Variants in TNFRSF19 observed in about 807,000 individuals in gnomAD.
TNFRSF19 encodes tumor necrosis factor receptor superfamily member 19.
TNFRSF19 carries 27 observed loss-of-function variants against 46.4 expected under a neutral mutation model. The ratio of observed to expected loss-of-function variants is 0.58; its 90% confidence interval spans 0.43 to 0.80. The LOEUF is 0.80. Ranked by LOEUF, TNFRSF19 falls within the 30% of genes least tolerant of loss-of-function variation. The pLI, the probability that TNFRSF19 is intolerant of heterozygous loss-of-function variation, is 0.00. For synonymous variants in TNFRSF19, 204 were observed against 205.0 expected (o/e 1.00, Z 0.04); for missense variants, 511 against 530.8 (o/e 0.96, Z 0.37).
At chr13:23,624,444 T>C (rs925511480) in intron 4 of TNFRSF19, among the ~76,000 whole-genome samples, 3 of 152,212 alleles carry the variant, frequency 2.0e-5, no homozygotes, top group East Asian at 1.9e-4. Context: ...CAAGTGAAAA[T>C]AGAATGTTGA....
intron 4 of TNFRSF19, among the ~76,000 whole-genome samples, chr13:23,620,769 C>T (rs1025182170): frequency 1.3e-5 from 2 of 152,168 alleles, no homozygotes; most frequent in African/African-American, 2.4e-5. Flanking sequence ...TGCTGGCAGC[C>T]GGTTCCTGAG....
chr13:23,594,866 C>G (rs1879598548), intron 3 of TNFRSF19, among the ~76,000 whole-genome samples: 1 of 152,216 alleles, frequency 6.6e-6, no homozygotes, highest in Non-Finnish European at 1.5e-5. Flanking sequence ...CAGGAGAGCT[C>G]TGGCTGGCAT....
chr13:23,598,737 G>C (rs1292693005), intron 3 of TNFRSF19, among the ~76,000 whole-genome samples: 2 of 152,198 alleles, frequency 1.3e-5, no homozygotes, highest in Non-Finnish European at 2.9e-5. Flanking sequence ...TTTCTTGTGA[G>C]CACGTTCAGA....
chr13:23,674,887 CTCTT>C lies in TNFRSF19; in HGVS notation c.*1512_*1515del, dbSNP rs905510787. ...ACAGATTAGTAAAATTTAATGAGCC[CTCTT>C]TCTTGTGGCCGTTTCTCCATAGTTT... On this transcript the variant is annotated 3_prime_UTR_variant, in exon 10 of 10. Coordinates refer to ENST00000248484, the MANE Select transcript of TNFRSF19 (RefSeq NM_148957.4). 2.0e-5 allele frequency: 3 copies of C among 152,086 alleles called. No individual in the cohort carries two copies. The highest frequency in any genetic ancestry group is 7.2e-5 in the African/African-American group (3 of 41,416). 9.4% of individuals were successfully genotyped at this position (152,086 alleles called of 1,614,324 possible).
rs115260428 is a variant in TNFRSF19 at position 23,668,942 on chromosome 13, T to C, written c.1090T>C (p.Ser364Pro). The change falls in exon 9 of 10, where the codon TCT becomes CCT. Residue 364 changes from serine (S) to proline (P), a missense_variant. This residue lies in a region of TNFRSF19 where 376 missense variants were observed against 372.7 expected (regional missense o/e 1.01). Transcript: ENST00000248484. ...GGTTGGTGGGGCTGTTCCAGTCCAG[T>C]CTCATTCTGAAAACTTTACAGCAGC... ...DLVGGAVPVQSHSENFTAATD... is the reference protein window; with the variant it reads ...DLVGGAVPVQPHSENFTAATD... The C allele has an allele frequency of 3.6e-4, 580 of 1,614,264 alleles. 11 individuals carry two copies. In the East Asian group the frequency reaches 9.8e-3, roughly 27 times the overall value.
At position 23,612,622 on chromosome 13, in the gene TNFRSF19, A is replaced by G. The variant is rs182279287; in HGVS notation, c.181-3245A>G. On this transcript the variant is annotated intron_variant, in intron 3 of 9. Transcript: ENST00000248484. ...TATGAACTGCAGGCTATTTTTTAAT[A>G]GTTTCAAATTAATATTAGGCTTTAA... Among the ~76,000 whole-genome samples, 398 of 152,326 alleles carry G rather than the reference A, an allele frequency of 2.6e-3. 2 individuals are homozygous for G. The highest frequency in any genetic ancestry group is 3.1e-3 in the South Asian group (15 of 4,826).
At chr13:23,603,173 T>C (rs1485642645) in intron 3 of TNFRSF19, among the ~76,000 whole-genome samples, 2 of 152,024 alleles carry the variant, frequency 1.3e-5, no homozygotes, top group African/African-American at 4.8e-5. Flanking sequence ...GACATCACTA[T>C]AGGAACATTA....
At chr13:23,611,801 A>G (rs1880925710) in intron 3 of TNFRSF19, among the ~76,000 whole-genome samples, 1 of 152,214 alleles carries the variant, frequency 6.6e-6, no homozygotes, top group Non-Finnish European at 1.5e-5. Flanking sequence ...GCAGTGGGCC[A>G]AACCTAAATG....
chr13:23,630,861 A>G (rs1882315530), intron 5 of TNFRSF19, among the ~76,000 whole-genome samples: 1 of 152,138 alleles, frequency 6.6e-6, no homozygotes, highest in African/African-American at 2.4e-5. Context: ...AGGGGTTTTC[A>G]CCAGAGTAAA....
At chr13:23,582,611 A>T (rs1878534878) in intron 1 of TNFRSF19, among the ~76,000 whole-genome samples, 1 of 152,214 alleles carries the variant, frequency 6.6e-6, no homozygotes. Context: ...ATAATTAGGT[A>T]AGTTTTGACA....
At chr13:23,600,927 T>C (rs1216863936) in intron 3 of TNFRSF19, among the ~76,000 whole-genome samples, 1 of 152,172 alleles carries the variant, frequency 6.6e-6, no homozygotes, top group Non-Finnish European at 1.5e-5. Context: ...AAAAATACAA[T>C]TTGAAGAGAC....
chr13:23,660,319 A>G lies in TNFRSF19; in HGVS notation c.611-46A>G, dbSNP rs199945183. On this transcript the variant is annotated intron_variant, in intron 6 of 9. Coordinates refer to ENST00000248484, the MANE Select transcript of TNFRSF19 (RefSeq NM_148957.4). ...AAAGCTAGAATGGCACAGGTCCACT[A>G]GAGAGGAGACTGTGTTCCCTGACAG... The G allele has an allele frequency of 6.0e-4, 953 of 1,586,026 alleles. 6 individuals carry two copies. Among genetic ancestry groups the G allele is most frequent in the South Asian group, 3.5e-3 (312 of 87,920 alleles).
intron 4 of TNFRSF19, among the ~76,000 whole-genome samples, chr13:23,626,196 T>C (rs1881996578): frequency 6.7e-6 from 1 of 150,360 alleles, no homozygotes; most frequent in Non-Finnish European, 1.5e-5. Flanking sequence ...TCTGTGTGTG[T>C]GTGTGTGTGT....
At chr13:23,590,380 G>C (rs1310741608) in intron 2 of TNFRSF19, 128 bp downstream of exon 2, 1 of 528,140 alleles carries the variant, frequency 1.9e-6, no homozygotes, top group Non-Finnish European at 3.2e-6. Context: ...TTTTGCTCAG[G>C]CTGGAGTGCA....
chr13:23,625,323 ATTC>A (rs1566193826), intron 4 of TNFRSF19, among the ~76,000 whole-genome samples: 1 of 97,176 alleles, frequency 1.0e-5, no homozygotes. Context: ...CTGTGATTGT[ATTC>A]TTTTTTTTTT....
chr13:23,586,949 G>A (rs1878887844), intron 1 of TNFRSF19, among the ~76,000 whole-genome samples: 1 of 151,718 alleles, frequency 6.6e-6, no homozygotes, highest in Non-Finnish European at 1.5e-5. Context: ...CATGTACAGA[G>A]AAACAGTTTC....
chr13:23,586,470 C>A (rs1452138659), intron 1 of TNFRSF19, among the ~76,000 whole-genome samples: 4 of 152,134 alleles, frequency 2.6e-5, no homozygotes, highest in African/African-American at 9.7e-5. Flanking sequence ...AGTTGAGGGA[C>A]CTGCTGGTGG....
intron 7 of TNFRSF19, among the ~76,000 whole-genome samples, chr13:23,664,449 C>T (rs1951583840): frequency 6.6e-6 from 1 of 152,096 alleles, no homozygotes; most frequent in Non-Finnish European, 1.5e-5. Flanking sequence ...CACCACCCTA[C>T]CACCTTACCT....
chr13:23,639,664 C>G (rs1042172708), intron 5 of TNFRSF19, among the ~76,000 whole-genome samples: 2 of 152,170 alleles, frequency 1.3e-5, no homozygotes, highest in African/African-American at 4.8e-5. Context: ...CTGGCACAAA[C>G]CAGTCAGGCC....
Sources: allele counts gnomAD v4.1 joint callset (sites outside exome capture counted in the v4.1 genomes callset), GRCh38; gene constraint gnomAD v4.1.1; regional missense constraint gnomAD v4.1.1; transcripts MANE v1.5; gene names NCBI Gene and HGNC (gene_info 2026-07-23, HGNC 2026-07-21).